KMT2B: variants seen among roughly 807,000 people sequenced by gnomAD.
KMT2B encodes the protein lysine methyltransferase 2B.
A neutral mutation model predicts 255.3 loss-of-function variants in KMT2B; 22 were observed. That is an observed-to-expected ratio of 0.09 (90% CI 0.06 to 0.12). KMT2B has a LOEUF of 0.12. Among genes scored for constraint, KMT2B ranks in the 10% least tolerant of loss-of-function variants. The pLI, the probability that KMT2B is intolerant of heterozygous loss-of-function variation, is 1.00. For synonymous variants in KMT2B, 1,730 were observed against 1,498.1 expected, an observed-to-expected ratio of 1.15 and a Z score of -3.57; for missense variants, 3,149 against 3,737.0, an observed-to-expected ratio of 0.84 and a Z score of 4.10.
chr19:35,719,627 T>C, intron 2 of KMT2B, 86 bp downstream of exon 2: 1 of 1,504,716 alleles, frequency 6.6e-7, no homozygotes, highest in Non-Finnish European at 9.1e-7. Context: ...TCAACTAGCC[T>C]CTGTCAGTTG....
intron 30 of KMT2B, among the ~76,000 whole-genome samples, chr19:35,734,672 G>A (rs1969850103): frequency 6.6e-6 from 1 of 152,202 alleles, no homozygotes; most frequent in African/African-American, 2.4e-5. Context: ...GGAGGCCCCT[G>A]GAGGAGGCTT....
At position 35,725,738 on chromosome 19, in the gene KMT2B, G is replaced by A. The variant is rs770120166; in HGVS notation, c.3805G>A (p.Glu1269Lys). 9.3e-6 allele frequency: 15 copies of A among 1,607,580 alleles called. No homozygotes were observed. The highest frequency in any genetic ancestry group is 1.3e-5 in the African/African-American group (1 of 74,776). The stretch of plus-strand genomic sequence containing the variant: ...CATCCAACAGCACCTCCTGGAGTGC[G>A]AGCGCTGCCGCCATGCATACCACCC... ...GRGSKHLLEC[E>K]RCRHAYHPAC... Residue 1269 changes from glutamate to lysine, a missense_variant, in exon 13 of 37, where the codon GAG becomes AAG. Transcript: ENST00000420124. This position sits in a 1 kb window ranked among gnomAD's most constrained non-coding sequence, Gnocchi z 4.1.
Position 35,721,266 on chromosome 19 carries a change from C to G in KMT2B, c.1919C>G (p.Ser640Cys). The change falls in exon 3 of 37, where the codon TCC becomes TGC. Residue 640 changes from serine (S) to cysteine (C), a missense_variant. Physicochemically the swap from Ser to Cys is moderately radical, Grantham distance 112. Coordinates refer to ENST00000420124, the MANE Select transcript of KMT2B (RefSeq NM_014727.3). ...APSPPPAPAT[S>C]SRRPLLLRAP... The stretch of plus-strand genomic sequence containing the variant: ...TCCCCACCCCCTGCTCCTGCCACCT[C>G]CTCCCGGAGGCCCCTACTCCTTCGG... The G allele has an allele frequency of 6.5e-7, 1 of 1,537,260 alleles. No homozygotes were observed. The highest frequency in any genetic ancestry group is 8.7e-7 in the Non-Finnish European group (1 of 1,143,102).
chr19:35,731,485 T>G (rs1006166804), intron 26 of KMT2B, among the ~76,000 whole-genome samples: 1 of 151,820 alleles, frequency 6.6e-6, no homozygotes, highest in African/African-American at 2.4e-5. Flanking sequence ...ACCAGGGAGT[T>G]TTGGGTGGAG....
In KMT2B at chr19:35,725,702, C is replaced by A. The variant is rs1233800847; in HGVS notation, c.3790-21C>A. Reference sequence around the variant, plus strand: ...TCCCTGTGCCAGCAGGTTTCGCCATCTCTGTCTCCACATCCAACAGCACCT... The same window carrying A: ...TCCCTGTGCCAGCAGGTTTCGCCATATCTGTCTCCACATCCAACAGCACCT... On this transcript the variant is annotated intron_variant, in intron 12 of 36. Coordinates refer to ENST00000420124, the MANE Select transcript of KMT2B (RefSeq NM_014727.3). The surrounding 1 kb of genome is among the most constrained non-coding windows in gnomAD (Gnocchi z 4.1). 6.2e-7 allele frequency: 1 copy of A among 1,612,962 alleles called. No individual in the cohort carries two copies. Among genetic ancestry groups the A allele is most frequent in the Non-Finnish European group, 8.5e-7 (1 of 1,179,480 alleles).
Position 35,727,134 on chromosome 19 carries a change from T to C in KMT2B, c.4004-22T>C. 1 of 1,565,152 alleles carries C rather than the reference T, an allele frequency of 6.4e-7. No individual in the cohort carries two copies. The highest frequency in any genetic ancestry group is 1.4e-5 in the African/African-American group (1 of 73,994). On this transcript the variant is annotated intron_variant, in intron 14 of 36. Coordinates refer to ENST00000420124, the MANE Select transcript of KMT2B (RefSeq NM_014727.3). This position sits in a 1 kb window ranked among gnomAD's most constrained non-coding sequence, Gnocchi z 4.2. ...GAGTGGGAACTCCAGCACCTCTGAC[T>C]CCTTCTCTTCCCTTTCTCTAGGAAA...
Position 35,722,979 on chromosome 19 carries a change from C to T in KMT2B, c.2723-16C>T, listed in dbSNP as rs191001402. On this transcript the variant is annotated splice_polypyrimidine_tract_variant and intron_variant, in intron 5 of 36. Transcript: ENST00000420124. Reference sequence around the variant, plus strand: ...GCTTTGTGGCTCCATCCCCTCCTCCCTGCCTGCTGCAATAGATACATCATC... The same window carrying T: ...GCTTTGTGGCTCCATCCCCTCCTCCTTGCCTGCTGCAATAGATACATCATC... 36 of 1,542,822 alleles carry T rather than the reference C, an allele frequency of 2.3e-5. No individual in the cohort carries two copies. The East Asian group carries it at 5.1e-4, about 22-fold the overall frequency.
chr19:35,724,778 G>T, intron 9 of KMT2B, 47 bp downstream of exon 9: 1 of 1,503,734 alleles, frequency 6.7e-7, no homozygotes, highest in South Asian at 1.2e-5. Flanking sequence ...GGAGCTACCT[G>T]GCAAGTCAGA....
At chr19:35,734,270 TCCCAGAGG>T (rs1295650441) in intron 30 of KMT2B, among the ~76,000 whole-genome samples, 1 of 151,472 alleles carries the variant, frequency 6.6e-6, no homozygotes, top group East Asian at 1.9e-4. Flanking sequence ...AAGAGTGGTG[TCCCAGAGG>T]CCCAGGGAAG....
intron 22 of KMT2B, among the ~76,000 whole-genome samples, 182 bp downstream of exon 22, chr19:35,729,478 G>A (rs1460040244): frequency 3.9e-5 from 6 of 152,206 alleles, no homozygotes; most frequent in Non-Finnish European, 5.9e-5. Flanking sequence ...CCCTCTGGCT[G>A]TAATCTGGGC....
At chr19:35,728,062 AG>A in intron 18 of KMT2B, 35 bp from the exon 19 acceptor site, 1 of 1,572,748 alleles carries the variant, frequency 6.4e-7, no homozygotes, top group Non-Finnish European at 8.6e-7. Context: ...CTCCTGGGGA[AG>A]CTGGCTCTTC....
chr19:35,732,707 C>T lies in KMT2B; in HGVS notation c.6158C>T (p.Pro2053Leu), dbSNP rs547427467. The T allele has an allele frequency of 6.2e-7, 1 of 1,609,330 alleles. No homozygotes were observed. The highest frequency in any genetic ancestry group is 1.1e-5 in the South Asian group (1 of 90,396). The change falls in exon 28 of 37, where the codon CCT becomes CTT. Residue 2053 changes from proline to leucine, a missense_variant. By Grantham distance (98) the Pro-to-Leu change is moderately conservative. This residue lies in a region of KMT2B where 897 missense variants were observed against 825.3 expected (regional missense o/e 1.09). Transcript: ENST00000420124. ...SAPGLAPSAT[P>L]GAPRIEQLDG... is the part of the protein sequence containing the mutation. Reference sequence around the variant, plus strand: ...CCTGGTCTGGCCCCCAGCGCTACCCCTGGAGCCCCCCGCATTGAACAGCTG... The same window carrying T: ...CCTGGTCTGGCCCCCAGCGCTACCCTTGGAGCCCCCCGCATTGAACAGCTG...
intron 30 of KMT2B, among the ~76,000 whole-genome samples, chr19:35,734,652 T>C (rs1969849174): frequency 6.6e-6 from 1 of 152,086 alleles, no homozygotes; most frequent in African/African-American, 2.4e-5. Context: ...GAAACTGTAA[T>C]ACATGGGGTG....
chr19:35,721,485 C>G lies in KMT2B; in HGVS notation c.2138C>G (p.Thr713Ser). ...CCTCGATTCGCCCCTGTGGTCACCA[C>G]TCCTGTTAAGGCCGAGGTGTCCCCT... ...SLPRFAPVVT[T>S]PVKAEVSPHG... The change falls in exon 3 of 37, where the codon ACT (threonine) becomes AGT (serine). Residue 713 changes from threonine (T) to serine (S), a missense_variant. By Grantham distance (58) the Thr-to-Ser change is moderately conservative. Transcript: ENST00000420124. The G allele has an allele frequency of 6.2e-7, 1 of 1,612,770 alleles. No homozygotes were observed. The highest frequency in any genetic ancestry group is 8.5e-7 in the Non-Finnish European group (1 of 1,179,868).
rs1316047928 is a variant in KMT2B at position 35,723,833 on chromosome 19, C to A, written c.3160C>A (p.Pro1054Thr). ...GPRRGAGAGG[P>T]REEVVAHPGP... The stretch of plus-strand genomic sequence containing the variant: ...ACGCCGGGGGGCGGGAGCTGGGGGG[C>A]CCCGGGAGGAGGTGGTGGCCCACCC... The change falls in exon 8 of 37, where the codon CCC becomes ACC. Residue 1054 changes from proline (P) to threonine (T), a missense_variant. Coordinates refer to ENST00000420124, the MANE Select transcript of KMT2B (RefSeq NM_014727.3). The surrounding 1 kb of genome is among the most constrained non-coding windows in gnomAD (Gnocchi z 7.5). 2 of 1,596,668 alleles carry A rather than the reference C, an allele frequency of 1.3e-6. No individual in the cohort carries two copies. Among genetic ancestry groups the A allele is most frequent in the Non-Finnish European group, 1.7e-6 (2 of 1,171,306 alleles).
In KMT2B at chr19:35,732,403, A is replaced by T. The variant is rs1969740423; in HGVS notation, c.5854A>T (p.Thr1952Ser). The change falls in exon 28 of 37, where the codon ACA (threonine) becomes TCA (serine). Residue 1952 changes from threonine (T) to serine (S), a missense_variant. This residue lies in a region of KMT2B where 897 missense variants were observed against 825.3 expected (regional missense o/e 1.09). Coordinates refer to ENST00000420124, the MANE Select transcript of KMT2B (RefSeq NM_014727.3). ...PPPTSVVTAL[T>S]PTSGELAPPG... ...TCCTACCTCAGTCGTCACAGCCCTC[A>T]CACCTACCTCAGGGGAGCTGGCTCC... The T allele has an allele frequency of 6.2e-7, 1 of 1,613,006 alleles. No individual in the cohort carries two copies. The highest frequency in any genetic ancestry group is 1.3e-5 in the African/African-American group (1 of 74,764).
chr19:35,724,058 CTT>C, intron 8 of KMT2B, 51 bp downstream of exon 8: 1 of 1,508,976 alleles, frequency 6.6e-7, no homozygotes. Flanking sequence ...GGTCTTGTGT[CTT>C]TTGTGTAGGA....
intron 9 of KMT2B, 54 bp from the exon 10 acceptor site, chr19:35,724,935 G>A (rs1969374613): frequency 4.5e-6 from 6 of 1,321,184 alleles, no homozygotes; most frequent in African/African-American, 2.9e-5. Context: ...GAGGAGAGGA[G>A]TCTGCATCAC....
At position 35,730,801 on chromosome 19, in the gene KMT2B, G is replaced by C. The variant is rs202054714; in HGVS notation, c.5371G>C (p.Glu1791Gln). Residue 1791 changes from glutamate to glutamine, a missense_variant, in exon 26 of 37, where the codon GAG becomes CAG. Physicochemically the swap from Glu to Gln is conservative, Grantham distance 29 (BLOSUM62 2). This residue lies in a region of KMT2B where 34 missense variants were observed against 51.6 expected (regional missense o/e 0.66). Transcript: ENST00000420124. ...LEYRPWGPRE[E>Q]PAHLEAAEEN... is the part of the protein sequence containing the mutation. ...GTATCGGCCATGGGGGCCGAGGGAA[G>C]AGCCAGCTCACCTGGAGGCTGCAGA... 6.2e-7 allele frequency: 1 copy of C among 1,613,758 alleles called. No homozygotes were observed. Among genetic ancestry groups the C allele is most frequent in the Non-Finnish European group, 8.5e-7 (1 of 1,179,830 alleles).
Sources: gnomAD v4.1 joint callset for allele counts (sites outside exome capture counted in the v4.1 genomes callset) on GRCh38, gnomAD v4.1.1 for gene constraint, gnomAD v4.1.1 regional missense constraint, Gnocchi (gnomAD v3.1) non-coding constraint, MANE v1.5 for transcripts, NCBI Gene and HGNC (gene_info 2026-07-23, HGNC 2026-07-21) for gene names.